Variants in TMEM132E observed in about 807,000 individuals in gnomAD.
TMEM132E encodes the protein transmembrane protein 132E.
TMEM132E carries 49 observed loss-of-function variants against 78.5 expected under a neutral mutation model. The ratio of observed to expected loss-of-function variants is 0.62; its 90% CI spans 0.50 to 0.79. The LOEUF is 0.79. Among genes scored for constraint, TMEM132E ranks in the 30% least tolerant of loss-of-function variants. The probability of loss-of-function intolerance (pLI) is 0.00; values close to 1 mark genes in which losing one functional copy is unlikely to be tolerated. For synonymous variants in TMEM132E, 715 were observed against 670.6 expected (o/e 1.07, Z -1.02); for missense variants, 1,403 against 1,470.9 (o/e 0.95, Z 0.75).
At chr17:34,611,817 T>C (rs1906602937) in intron 1 of TMEM132E, among the ~76,000 whole-genome samples, 1 of 152,134 alleles carries the variant, frequency 6.6e-6, no homozygotes, top group Admixed American at 6.5e-5. Context: ...GGGGCTTCCA[T>C]CCTCCACCCC....
At position 34,629,251 on chromosome 17, in the gene TMEM132E, G is replaced by T. The variant is rs1907265870; in HGVS notation, c.1338+47G>T. On this transcript the variant is annotated intron_variant, in intron 4 of 8. Transcript: ENST00000631683. ...CCAGAAGATGCCTGGGTCTATGCAT[G>T]TGTGCACATTTGTGTGACAAGAATG... is the stretch of plus-strand genomic sequence containing the variant. The T allele has an allele frequency of 1.9e-6, 3 of 1,589,420 alleles. No homozygotes were observed. The East Asian group carries it at 6.7e-5, about 36-fold the overall frequency.
chr17:34,585,198 A>G (rs1281779685), intron 1 of TMEM132E, among the ~76,000 whole-genome samples: 1 of 152,212 alleles, frequency 6.6e-6, no homozygotes, highest in African/African-American at 2.4e-5. Context: ...TGGTGGCAGG[A>G]AATGAGCTTT....
At position 34,638,225 on chromosome 17, in the gene TMEM132E, T is replaced by C. The variant is rs1342278086; in HGVS notation, c.3218T>C (p.Ile1073Thr). 2 of 1,582,606 alleles carry C rather than the reference T, an allele frequency of 1.3e-6. No homozygotes were observed. The highest frequency in any genetic ancestry group is 4.5e-5 in the East Asian group (2 of 44,040). The change falls in exon 9 of 9, where the codon ATT (isoleucine) becomes ACT (threonine). Residue 1073 changes from isoleucine (I) to threonine (T), a missense_variant. Physicochemically the swap from Ile to Thr is moderately conservative, Grantham distance 89. This residue lies in a region of TMEM132E where 888 missense variants were observed against 952.8 expected (regional missense o/e 0.93). Transcript: ENST00000631683. ...AATTACATGCGCAGAATCAAAGAGA[T>C]TGCATAGAGGCGCCAGCCGGAGTAG... ...LHNYMRRIKEIA is the reference protein window; with the variant it reads ...LHNYMRRIKETA
chr17:34,638,247 G>A lies in TMEM132E; in HGVS notation c.*15G>A, dbSNP rs1440755360. 6.7e-7 allele frequency: 1 copy of A among 1,503,330 alleles called. No homozygotes were observed. The highest frequency in any genetic ancestry group is 8.9e-7 in the Non-Finnish European group (1 of 1,128,530). The allele number at this position is 1,503,330 out of a possible 1,614,324, so 93.1% of individuals were successfully genotyped here. On this transcript the variant is annotated 3_prime_UTR_variant, in exon 9 of 9. Transcript: ENST00000631683. ...AGATTGCATAGAGGCGCCAGCCGGA[G>A]TAGCAGGGACCCCCCCCCCCAACGG... is the stretch of plus-strand genomic sequence containing the variant.
intron 1 of TMEM132E, among the ~76,000 whole-genome samples, chr17:34,606,022 C>T (rs551624341): frequency 2.2e-4 from 34 of 152,232 alleles, no homozygotes; most frequent in African/African-American, 6.5e-4. Context: ...GGAGTATGGC[C>T]GGGTCATGCT....
chr17:34,635,097 G>T lies in TMEM132E; in HGVS notation c.1977+10G>T. The T allele has an allele frequency of 6.2e-7, 1 of 1,602,040 alleles. No individual in the cohort carries two copies. Among genetic ancestry groups the T allele is most frequent in the Non-Finnish European group, 8.5e-7 (1 of 1,173,198 alleles). ...CACCACCCCCTTTAAGGTAGGTATG[G>T]GCTCTGTCCCAGCACAAAGGGGCAG... On this transcript the variant is annotated intron_variant, in intron 7 of 8. Transcript: ENST00000631683.
intron 2 of TMEM132E, among the ~76,000 whole-genome samples, 192 bp from the exon 3 acceptor site, chr17:34,628,371 T>G (rs1225938062): frequency 6.6e-6 from 1 of 152,196 alleles, no homozygotes; most frequent in Non-Finnish European, 1.5e-5. Context: ...TCACCGAGGG[T>G]CAGAGTTTTC....
At chr17:34,605,469 A>C (rs948402841) in intron 1 of TMEM132E, among the ~76,000 whole-genome samples, 5 of 152,208 alleles carry the variant, frequency 3.3e-5, no homozygotes, top group East Asian at 1.9e-4. Context: ...TACCCCCAGC[A>C]TCACAGCATC....
intron 1 of TMEM132E, among the ~76,000 whole-genome samples, chr17:34,603,882 G>A (rs1415602665): frequency 6.6e-6 from 1 of 152,090 alleles, no homozygotes; most frequent in Non-Finnish European, 1.5e-5. Context: ...CCTCACTGTG[G>A]GTACCAGCCC....
chr17:34,632,713 A>C lies in TMEM132E; in HGVS notation c.1492A>C (p.Ser498Arg). The change falls in exon 6 of 9, where the codon AGC (serine) becomes CGC (arginine). Residue 498 changes from serine (S) to arginine (R), a missense_variant. Physicochemically the swap from Ser to Arg is moderately radical, Grantham distance 110 (BLOSUM62 -1). Around this residue, in one of 3 missense-constraint regions of TMEM132E, gnomAD observed 888 missense variants for 952.8 expected, o/e 0.93. Coordinates refer to ENST00000631683, the MANE Select transcript of TMEM132E (RefSeq NM_001304438.2). ...DNEDIIKVSS[S>R]CDYVFVSGKE... is the part of the protein sequence containing the mutation. ...TCCTCCCTTCCCCCAGGTATCCAGC[A>C]GCTGTGACTACGTGTTTGTGAGTGG... 3 of 1,614,124 alleles carry C rather than the reference A, an allele frequency of 1.9e-6. No homozygotes were observed. Among genetic ancestry groups the C allele is most frequent in the Non-Finnish European group, 2.5e-6 (3 of 1,180,018 alleles).
chr17:34,600,970 GAGA>G (rs1906221321), intron 1 of TMEM132E, among the ~76,000 whole-genome samples: 1 of 152,216 alleles, frequency 6.6e-6, no homozygotes, highest in Non-Finnish European at 1.5e-5. Flanking sequence ...TGCTCTGGGA[GAGA>G]AGAAGGGCTG....
chr17:34,590,418 T>C (rs1338638428), intron 1 of TMEM132E, among the ~76,000 whole-genome samples: 2 of 152,212 alleles, frequency 1.3e-5, no homozygotes, highest in African/African-American at 2.4e-5. Context: ...TGCGGAGTCA[T>C]TGACATGTTG....
intron 1 of TMEM132E, among the ~76,000 whole-genome samples, chr17:34,612,304 A>T (rs1906617485): frequency 6.6e-6 from 1 of 152,186 alleles, no homozygotes; most frequent in East Asian, 1.9e-4. Context: ...GGAAGTGGTC[A>T]ATTCGGGGCT....
Position 34,599,639 on chromosome 17 carries a change from A to C in TMEM132E, c.67+18496A>C, listed in dbSNP as rs191688548. 1.5e-4 allele frequency among the ~76,000 whole-genome samples: 21 copies of C among 144,770 alleles called. No individual in the cohort carries two copies. The East Asian group carries it at 4.1e-3, about 28-fold the overall frequency. The allele number at this position is 144,770 out of a possible 152,430, so 95.0% of individuals were successfully genotyped here. ...TCTCAATCTTGGCTGCACATTGAAGAGTTTTTTATTTTTTATTTTTATTTT... is the reference window on the plus strand; with the variant it reads ...TCTCAATCTTGGCTGCACATTGAAGCGTTTTTTATTTTTTATTTTTATTTT... On this transcript the variant is annotated intron_variant, in intron 1 of 8. Coordinates refer to ENST00000631683, the MANE Select transcript of TMEM132E (RefSeq NM_001304438.2).
At chr17:34,630,256 C>A in intron 5 of TMEM132E, 105 bp downstream of exon 5, 1 of 1,277,872 alleles carries the variant, frequency 7.8e-7, no homozygotes, top group Non-Finnish European at 1.1e-6. Flanking sequence ...CATCCTCTAA[C>A]ACTGAACCCA....
chr17:34,592,406 T>C (rs1905903374), intron 1 of TMEM132E, among the ~76,000 whole-genome samples: 1 of 152,202 alleles, frequency 6.6e-6, no homozygotes, highest in Admixed American at 6.5e-5. Context: ...ATAAAGTCTG[T>C]CTACACACTG....
rs747921135 is a variant in TMEM132E at position 34,581,084 on chromosome 17, C to G, written c.8C>G (p.Pro3Arg). MA[P>R]GMSGRGGAAL... ...CCCGCCCCCGCCTCGGCCATGGCCC[C>G]GGGGATGTCGGGCCGCGGCGGCGCC... is the stretch of plus-strand genomic sequence containing the variant. Residue 3 changes from proline (P) to arginine (R), a missense_variant, in exon 1 of 9, where the codon CCG becomes CGG. Physicochemically the swap from Pro to Arg is moderately radical, Grantham distance 103 (BLOSUM62 -2). Around this residue, in one of 3 missense-constraint regions of TMEM132E, gnomAD observed 511 missense variants for 499.0 expected, o/e 1.02. Transcript: ENST00000631683. 9.0e-6 allele frequency: 14 copies of G among 1,552,896 alleles called. No individual in the cohort carries two copies. The highest frequency in any genetic ancestry group is 1.7e-4 in the Middle Eastern group (1 of 5,946).
intron 1 of TMEM132E, among the ~76,000 whole-genome samples, chr17:34,616,127 T>C (rs555550762): frequency 1.3e-5 from 2 of 152,096 alleles, no homozygotes; most frequent in East Asian, 1.9e-4. Context: ...GACCCTGATA[T>C]CCCTTCAGCT....
At chr17:34,626,006 TGCCCAGCTAGAGGAGTTGGCA>T (rs1317234751) in intron 1 of TMEM132E, 100 bp from the exon 2 acceptor site, 2 of 947,260 alleles carry the variant, frequency 2.1e-6, no homozygotes, top group Non-Finnish European at 1.5e-6. Context: ...AGGCTGAACC[TGCCCAGCTAGAGGAGTTGGCA>T]GCCCTCTGTG....
Sources: gnomAD v4.1 joint callset for allele counts (sites outside exome capture counted in the v4.1 genomes callset) on GRCh38, gnomAD v4.1.1 for gene constraint, gnomAD v4.1.1 regional missense constraint, MANE v1.5 for transcripts, NCBI Gene and HGNC (gene_info 2026-07-23, HGNC 2026-07-21) for gene names.